Variants in CACNA2D1 observed in about 807,000 individuals in gnomAD.
CACNA2D1 encodes calcium voltage-gated channel auxiliary subunit alpha2delta 1, also known as voltage-dependent calcium channel subunit alpha-2/delta-1.
CACNA2D1 carries 53 observed loss-of-function variants against 171.5 expected under a neutral mutation model. The ratio of observed to expected loss-of-function variants is 0.31; its 90% CI spans 0.25 to 0.39. The LOEUF (loss-of-function observed/expected upper bound fraction) is 0.39. CACNA2D1 is among the 10% of genes least tolerant of loss of function. The pLI, the probability that CACNA2D1 is intolerant of heterozygous loss-of-function variation, is 1.00. For synonymous variants in CACNA2D1, 442 were observed against 443.1 expected, an observed-to-expected ratio of 1.00 and a Z score of 0.03; for missense variants, 903 against 1,299.8, an observed-to-expected ratio of 0.69 and a Z score of 4.69.
intron 4 of CACNA2D1, among the ~76,000 whole-genome samples, chr7:82,165,916 A>C (rs1162159439): frequency 6.6e-6 from 1 of 152,040 alleles, no homozygotes; most frequent in Non-Finnish European, 1.5e-5. Context: ...TTATTCATTA[A>C]GACAATGCTA....
intron 7 of CACNA2D1, among the ~76,000 whole-genome samples, chr7:82,068,517 CCTTTAGAGTT>C (rs1807938823): frequency 6.6e-6 from 1 of 151,928 alleles, no homozygotes; most frequent in Non-Finnish European, 1.5e-5. Context: ...ATTCATAAAT[CCTTTAGAGTT>C]CTCTGTACTT....
intron 1 of CACNA2D1, among the ~76,000 whole-genome samples, chr7:82,351,997 T>C (rs552399524): frequency 6.6e-6 from 1 of 152,262 alleles, no homozygotes; most frequent in South Asian, 2.1e-4. Context: ...GAAGTGAACT[T>C]AACTCATCCC....
intron 1 of CACNA2D1, among the ~76,000 whole-genome samples, chr7:82,378,152 C>T (rs1823232489): frequency 1.3e-5 from 2 of 152,210 alleles, no homozygotes; most frequent in South Asian, 2.1e-4. Context: ...AATTCCAGCA[C>T]TTTGGGAGGA....
chr7:82,254,951 G>A (rs1806116922), intron 3 of CACNA2D1, among the ~76,000 whole-genome samples: 1 of 152,076 alleles, frequency 6.6e-6, no homozygotes, highest in Non-Finnish European at 1.5e-5. Context: ...AGTACTCTTG[G>A]AGTGGACATC....
chr7:82,258,285 C>T (rs1022930248), intron 3 of CACNA2D1, among the ~76,000 whole-genome samples: 1 of 151,234 alleles, frequency 6.6e-6, no homozygotes, highest in Non-Finnish European at 1.5e-5. Context: ...TCACCTACTC[C>T]TTTCTCCTCA....
intron 3 of CACNA2D1, among the ~76,000 whole-genome samples, chr7:82,202,695 G>C (rs1487105545): frequency 6.6e-6 from 1 of 152,046 alleles, no homozygotes; most frequent in African/African-American, 2.4e-5. Context: ...CCTGGCTACA[G>C]AACTTGGAAA....
intron 1 of CACNA2D1, among the ~76,000 whole-genome samples, chr7:82,430,676 C>G (rs972515389): frequency 1.3e-5 from 2 of 152,144 alleles, no homozygotes; most frequent in Admixed American, 6.5e-5. Flanking sequence ...ATGAGTGTAA[C>G]TAACCATCAG....
intron 3 of CACNA2D1, among the ~76,000 whole-genome samples, chr7:82,203,815 C>T (rs1585090587): frequency 1.3e-5 from 2 of 152,164 alleles, no homozygotes; most frequent in East Asian, 3.9e-4. Context: ...GACAGCATGG[C>T]CGGATGGGCT....
intron 1 of CACNA2D1, among the ~76,000 whole-genome samples, chr7:82,363,251 T>C (rs143563135): frequency 1.7e-3 from 229 of 138,566 alleles, no homozygotes; most frequent in African/African-American, 6.1e-3. Context: ...TATTTATTTG[T>C]CTCTTTTTTT....
intron 3 of CACNA2D1, among the ~76,000 whole-genome samples, chr7:82,209,763 T>C (rs1800373757): frequency 6.6e-6 from 1 of 152,152 alleles, no homozygotes; most frequent in South Asian, 2.1e-4. Flanking sequence ...TTTTGCCAAA[T>C]TGTTCCCCTA....
intron 4 of CACNA2D1, among the ~76,000 whole-genome samples, chr7:82,164,435 A>T (rs1056389786): frequency 1.8e-4 from 25 of 139,472 alleles, no homozygotes; most frequent in Non-Finnish European, 9.7e-5. Context: ...TTAGACAAAA[A>T]ATCTAACATT....
At chr7:82,201,833 A>C (rs1442592335) in intron 3 of CACNA2D1, among the ~76,000 whole-genome samples, 2 of 152,174 alleles carry the variant, frequency 1.3e-5, no homozygotes, top group African/African-American at 4.8e-5. Context: ...GGCTGAAAGG[A>C]GTGTTCTGGC....
rs116242117 is a variant in CACNA2D1, at chr7:82,405,490, T to G, written c.95+37875A>C. On this transcript the variant is annotated intron_variant, in intron 1 of 38. Transcript: ENST00000356860. ...CAACATCCCTGGGAAAAATTAACAC[T>G]GATCTTACAGGAGGCTACTGAGTAG... 5.9e-3 allele frequency among the ~76,000 whole-genome samples: 893 copies of G among 152,264 alleles called. 7 individuals carry two copies. The highest frequency in any genetic ancestry group is 0.015 in the African/African-American group (620 of 41,552).
chr7:82,199,321 T>C lies in CACNA2D1; in HGVS notation c.295-28712A>G, dbSNP rs539771455. Among the ~76,000 whole-genome samples the C allele has an allele frequency of 4.6e-5, 7 of 152,236 alleles. 1 individual carries two copies. The Middle Eastern group carries it at 0.01, about 222-fold the overall frequency. On this transcript the variant is annotated intron_variant, in intron 3 of 38. Coordinates refer to ENST00000356860, the MANE Select transcript of CACNA2D1 (RefSeq NM_000722.4). ...CAGAAAAAGATATATTTTAGAAATA[T>C]TAATGAAAAGAAAATGCCTTAGTGG...
intron 10 of CACNA2D1, among the ~76,000 whole-genome samples, chr7:82,043,778 T>C (rs1437778406): frequency 6.6e-6 from 1 of 152,114 alleles, no homozygotes; most frequent in African/African-American, 2.4e-5. Flanking sequence ...ATACAAACAA[T>C]GAAATATTCC....
chr7:81,955,219 G>A (rs895154036), intron 38 of CACNA2D1, among the ~76,000 whole-genome samples: 11 of 151,922 alleles, frequency 7.2e-5, no homozygotes, highest in Admixed American at 7.2e-4. Flanking sequence ...GACTCTACCG[G>A]GTATAAGGGC....
chr7:82,012,866 A>G (rs1262551476), intron 14 of CACNA2D1, among the ~76,000 whole-genome samples: 1 of 152,116 alleles, frequency 6.6e-6, no homozygotes, highest in East Asian at 1.9e-4. Context: ...AGGAGTAGCA[A>G]TTTTCATAGT....
chr7:82,393,117 G>C (rs1825370146), intron 1 of CACNA2D1, among the ~76,000 whole-genome samples: 1 of 135,962 alleles, frequency 7.4e-6, no homozygotes, highest in Admixed American at 7.3e-5. Context: ...CAGGCAGGGA[G>C]GGAGGGAGGG....
intron 1 of CACNA2D1, among the ~76,000 whole-genome samples, chr7:82,439,868 T>A (rs2129459869): frequency 6.6e-6 from 1 of 151,984 alleles, no homozygotes; most frequent in East Asian, 1.9e-4. Flanking sequence ...TTTAATATTT[T>A]ATCTCATAAT....
Sources: gnomAD v4.1 joint callset for allele counts (sites outside exome capture counted in the v4.1 genomes callset) on GRCh38, gnomAD v4.1.1 for gene constraint, MANE v1.5 for transcripts, NCBI Gene and HGNC (gene_info 2026-07-23, HGNC 2026-07-21) for gene names.